Variants in ATP6V0A1 observed in about 807,000 individuals in gnomAD.
ATP6V0A1 encodes the protein ATPase H+ transporting V0 subunit a1.
A neutral mutation model predicts 105.4 loss-of-function variants in ATP6V0A1; 43 were observed. The observed-to-expected ratio is 0.41, with a 90% CI of 0.32 to 0.53. The LOEUF is 0.53. ATP6V0A1 is among the 20% of genes least tolerant of loss of function. The pLI is 0.30. For missense variants in ATP6V0A1, 676 were observed against 1,051.1 expected, an observed-to-expected ratio of 0.64 and a Z score of 4.93; for synonymous variants, 362 against 372.8, an observed-to-expected ratio of 0.97 and a Z score of 0.33.
rs114413600 is a variant in ATP6V0A1, at chr17:42,464,013, G to C, written c.118-2416G>C. ...GAGGCTGAGGAGGAGGAAGGGGAGG[G>C]GTTGGTCTTACTGTCTCAGGCTGGC... On this transcript the variant is annotated intron_variant, in intron 2 of 21. Transcript: ENST00000343619. Among the ~76,000 whole-genome samples the C allele has an allele frequency of 1.7e-3, 257 of 152,210 alleles. 1 individual carries two copies. The highest frequency in any genetic ancestry group is 5.8e-3 in the African/African-American group (241 of 41,526).
At chr17:42,483,188 T>A in intron 9 of ATP6V0A1, 57 bp downstream of exon 9, 2 of 1,300,502 alleles carry the variant, frequency 1.5e-6, no homozygotes, top group South Asian at 1.9e-5. Flanking sequence ...ACGAGACCAT[T>A]ATCCTTCCTT....
intron 10 of ATP6V0A1, among the ~76,000 whole-genome samples, chr17:42,487,635 G>A (rs2090231030): frequency 6.6e-6 from 1 of 152,134 alleles, no homozygotes; most frequent in Non-Finnish European, 1.5e-5. Context: ...GACTGAGGCA[G>A]AAGAATCAAG....
In ATP6V0A1 at chr17:42,494,227, C is replaced by G. The variant is rs941015310; in HGVS notation, c.1175-107C>G. ...CATTGCTGGCTGACAGAGCAAGACT[C>G]CATCTCAAAAAAAAAAAGGGGGGTG... is the stretch of plus-strand genomic sequence containing the variant. On this transcript the variant is annotated intron_variant, in intron 11 of 21. Transcript: ENST00000343619. 6.1e-6 allele frequency: 7 copies of G among 1,145,610 alleles called. No individual in the cohort carries two copies. The African/African-American group carries it at 1.1e-4, about 18-fold the overall frequency. The allele number at this position is 1,145,610 out of a possible 1,614,324, so 71.0% of individuals were successfully genotyped here.
chr17:42,460,894 C>T lies in ATP6V0A1; in HGVS notation c.-1C>T, dbSNP rs765218836. On this transcript the variant is annotated 5_prime_UTR_variant, in exon 2 of 22. Coordinates refer to ENST00000343619, the MANE Select transcript of ATP6V0A1 (RefSeq NM_001130021.3). ...TCACTAGACTGGTACCTTCTGCCACCATGGGGGAGCTTTTCCGGAGTGAAG... is the reference window on the plus strand; with the variant it reads ...TCACTAGACTGGTACCTTCTGCCACTATGGGGGAGCTTTTCCGGAGTGAAG... 13 of 1,612,528 alleles carry T rather than the reference C, an allele frequency of 8.1e-6. No individual in the cohort carries two copies. Among genetic ancestry groups the T allele is most frequent in the Non-Finnish European group, 1.1e-5 (13 of 1,178,740 alleles).
chr17:42,471,707 C>T (rs1377133052), intron 5 of ATP6V0A1, among the ~76,000 whole-genome samples: 3 of 151,980 alleles, frequency 2.0e-5, no homozygotes, highest in Admixed American at 6.6e-5. Context: ...TTACTCCAGC[C>T]TGGGGGACAG....
chr17:42,509,389 C>T (rs1257592204), intron 19 of ATP6V0A1, among the ~76,000 whole-genome samples: 1 of 152,190 alleles, frequency 6.6e-6, no homozygotes, highest in Non-Finnish European at 1.5e-5. Flanking sequence ...TCCCCCAGCA[C>T]TTCTCTCTAA....
intron 4 of ATP6V0A1, among the ~76,000 whole-genome samples, chr17:42,469,321 G>T (rs1455752823): frequency 1.4e-5 from 2 of 142,080 alleles, no homozygotes; most frequent in Non-Finnish European, 3.0e-5. Flanking sequence ...AGAAAGGAAA[G>T]ACTTTTTTTT....
chr17:42,513,719 C>G (rs2092465080), intron 19 of ATP6V0A1, 142 bp from the exon 20 acceptor site: 1 of 776,148 alleles, frequency 1.3e-6, no homozygotes, highest in Admixed American at 2.2e-5. Context: ...GCTTCTGGCC[C>G]CTCCAGAGTT....
intron 2 of ATP6V0A1, among the ~76,000 whole-genome samples, chr17:42,464,521 G>C (rs1343998569): frequency 6.6e-6 from 1 of 151,862 alleles, no homozygotes; most frequent in African/African-American, 2.4e-5. Context: ...TTCTGCCTCA[G>C]CCTTCCAAGT....
chr17:42,515,199 G>T (rs957515854), intron 21 of ATP6V0A1, among the ~76,000 whole-genome samples: 6 of 152,136 alleles, frequency 3.9e-5, no homozygotes, highest in African/African-American at 1.4e-4. Flanking sequence ...GGGCACGGTG[G>T]CTCATGCCTG....
At chr17:42,463,038 C>A in intron 2 of ATP6V0A1, among the ~76,000 whole-genome samples, 1 of 108,462 alleles carries the variant, frequency 9.2e-6, no homozygotes, top group African/African-American at 3.6e-5. Flanking sequence ...CAGAATCTTG[C>A]TCTGTCGCCC....
intron 19 of ATP6V0A1, chr17:42,510,130 G>A (rs1182019052): frequency 6.6e-6 from 1 of 152,250 alleles, no homozygotes. Context: ...ACACACCAGA[G>A]CCAGGCCAGT....
chr17:42,497,184 T>A (rs533861573), intron 14 of ATP6V0A1, among the ~76,000 whole-genome samples: 56 of 149,716 alleles, frequency 3.7e-4, no homozygotes, highest in African/African-American at 1.3e-3. Context: ...ACGCCTGTAG[T>A]CCTAAGGCAG....
At chr17:42,477,824 C>G (rs2088950073) in intron 6 of ATP6V0A1, 82 bp downstream of exon 6, 2 of 1,152,402 alleles carry the variant, frequency 1.7e-6, no homozygotes, top group South Asian at 2.7e-5. Context: ...ACTGGGGATT[C>G]ACTTGCTACC....
chr17:42,480,032 A>C (rs771112718), intron 7 of ATP6V0A1, among the ~76,000 whole-genome samples: 1 of 152,182 alleles, frequency 6.6e-6, no homozygotes, highest in African/African-American at 2.4e-5. Flanking sequence ...GTTATTATAA[A>C]AGCTCTACAT....
intron 2 of ATP6V0A1, among the ~76,000 whole-genome samples, chr17:42,463,969 T>G (rs1203852517): frequency 6.6e-6 from 1 of 152,176 alleles, no homozygotes; most frequent in African/African-American, 2.4e-5. Context: ...GTCTTCATCC[T>G]TATTGTCTTT....
At chr17:42,487,032 G>A (rs1408648183) in intron 9 of ATP6V0A1, 123 bp from the exon 10 acceptor site, 1 of 914,378 alleles carries the variant, frequency 1.1e-6, no homozygotes, top group Non-Finnish European at 1.7e-6. Flanking sequence ...ATTCTAGCCA[G>A]AGGAAGAAAA....
chr17:42,478,813 C>A, intron 7 of ATP6V0A1: 1 of 267,360 alleles, frequency 3.7e-6, no homozygotes, highest in Non-Finnish European at 6.6e-6. Flanking sequence ...CAAGTTTACC[C>A]GTGTAGATGT....
At chr17:42,494,711 C>T (rs2090993250) in intron 12 of ATP6V0A1, 5 of 523,146 alleles carry the variant, frequency 9.6e-6, no homozygotes, top group African/African-American at 1.9e-5. Flanking sequence ...AATTCGAGAC[C>T]AGCATAGGCA....
Sources: allele counts gnomAD v4.1 joint callset (sites outside exome capture counted in the v4.1 genomes callset), GRCh38; gene constraint gnomAD v4.1.1; transcripts MANE v1.5; gene names NCBI Gene and HGNC (gene_info 2026-07-23, HGNC 2026-07-21).